The following OPCML variants were observed in gnomAD, a reference collection of about 807,000 sequenced individuals.
OPCML encodes opioid-binding protein/cell adhesion molecule.
A neutral mutation model predicts 37.8 loss-of-function variants in OPCML; 13 were observed. That is an observed-to-expected ratio of 0.34 (90% CI 0.22 to 0.55). The LOEUF (loss-of-function observed/expected upper bound fraction) is 0.55, where lower values mean the gene tolerates loss of function less well. Among genes scored for constraint, OPCML ranks in the 20% least tolerant of loss-of-function variants. The pLI is 0.91. For synonymous variants in OPCML, 176 were observed against 168.8 expected (o/e 1.04, Z -0.33); for missense variants, 341 against 435.6 (o/e 0.78, Z 1.93).
chr11:132,531,448 G>C (rs1247318527), intron 3 of OPCML, among the ~76,000 whole-genome samples: 2 of 152,176 alleles, frequency 1.3e-5, no homozygotes, highest in Non-Finnish European at 2.9e-5. Flanking sequence ...GATGTCAAAG[G>C]AGAATTATGG....
intron 1 of OPCML, among the ~76,000 whole-genome samples, chr11:133,386,744 C>A (rs781169266): frequency 6.6e-6 from 1 of 152,234 alleles, no homozygotes; most frequent in Admixed American, 6.5e-5. Context: ...CGCACCCCAC[C>A]TTTCCTTTTT....
chr11:133,146,312 CTTTTTTTTT>C (rs869237328), intron 1 of OPCML, among the ~76,000 whole-genome samples: 1 of 128,720 alleles, frequency 7.8e-6, no homozygotes, highest in African/African-American at 2.8e-5. Flanking sequence ...TCCATCTTTT[CTTTTTTTTT>C]TTTTTTTTTT....
intron 1 of OPCML, among the ~76,000 whole-genome samples, chr11:132,944,629 G>T (rs1460363104): frequency 6.6e-6 from 1 of 152,208 alleles, no homozygotes; most frequent in African/African-American, 2.4e-5. Context: ...AAAGTAGTAG[G>T]ACTGATCCTC....
At chr11:132,500,669 G>C (rs893617034) in intron 4 of OPCML, among the ~76,000 whole-genome samples, 2 of 152,122 alleles carry the variant, frequency 1.3e-5, no homozygotes, top group African/African-American at 4.8e-5. Context: ...ATCAACCCAT[G>C]CATTAGCTAT....
At chr11:133,039,561 G>T (rs1947847081) in intron 1 of OPCML, among the ~76,000 whole-genome samples, 1 of 152,100 alleles carries the variant, frequency 6.6e-6, no homozygotes, top group African/African-American at 2.4e-5. Flanking sequence ...TGAACAGGGG[G>T]TGGATGGTGC....
intron 1 of OPCML, chr11:133,006,721 T>C (rs1388156988): frequency 9.1e-6 from 9 of 985,346 alleles, no homozygotes; most frequent in African/African-American, 5.2e-5. Context: ...TTCCAGCACC[T>C]TTCTGCACTG....
rs1050495264 is a variant in OPCML, at chr11:132,727,119, T to G, written c.147-69800A>C. On this transcript the variant is annotated intron_variant, in intron 2 of 7. Transcript: ENST00000524381. ...CAGACACTGTCATGAGCACTATATA[T>G]ACGCATCAATCAACTAATTTTCTCA... Among the ~76,000 whole-genome samples the G allele has an allele frequency of 4.6e-5, 7 of 152,260 alleles. No homozygotes were observed. The South Asian group carries it at 1.5e-3, about 32-fold the overall frequency.
chr11:132,781,520 C>A (rs1947012795), intron 2 of OPCML, among the ~76,000 whole-genome samples: 1 of 151,886 alleles, frequency 6.6e-6, no homozygotes, highest in African/African-American at 2.4e-5. Flanking sequence ...ACTTCTCAGC[C>A]TCCATGACTG....
intron 3 of OPCML, among the ~76,000 whole-genome samples, chr11:132,593,924 T>C (rs1414648294): frequency 6.6e-6 from 1 of 152,112 alleles, no homozygotes; most frequent in African/African-American, 2.4e-5. Flanking sequence ...TGCTCAAGAG[T>C]GCAGCAAGTG....
chr11:132,844,970 TTTTTTG>T (rs1392089774), intron 2 of OPCML, among the ~76,000 whole-genome samples: 6 of 152,024 alleles, frequency 3.9e-5, no homozygotes, highest in Admixed American at 1.3e-4. Context: ...AACCTATTTT[TTTTTTG>T]TTTTTGTTTT....
intron 1 of OPCML, among the ~76,000 whole-genome samples, chr11:133,416,701 T>C (rs1237255300): frequency 2.0e-5 from 3 of 152,216 alleles, no homozygotes; most frequent in Non-Finnish European, 2.9e-5. Flanking sequence ...TAGTAGAACA[T>C]GAAATATCTT....
intron 3 of OPCML, among the ~76,000 whole-genome samples, chr11:132,559,557 T>TC (rs1405775251): frequency 6.6e-6 from 1 of 152,134 alleles, no homozygotes; most frequent in Non-Finnish European, 1.5e-5. Context: ...TTTTCTTTTT[T>TC]CTCTTCAATT....
chr11:132,695,368 G>T (rs561414360), intron 2 of OPCML, among the ~76,000 whole-genome samples: 1 of 152,264 alleles, frequency 6.6e-6, no homozygotes, highest in Non-Finnish European at 1.5e-5. Context: ...CCAAATAAAA[G>T]CACAATGGAA....
intron 1 of OPCML, among the ~76,000 whole-genome samples, chr11:133,517,908 C>A (rs1375244007): frequency 1.3e-5 from 2 of 152,112 alleles, no homozygotes; most frequent in East Asian, 1.9e-4. Flanking sequence ...GAGCACCAGG[C>A]ACAGAATGGG....
intron 1 of OPCML, among the ~76,000 whole-genome samples, chr11:133,314,568 A>AG (rs1417900468): frequency 4.0e-5 from 6 of 151,846 alleles, no homozygotes; most frequent in Admixed American, 2.6e-4. Flanking sequence ...AAAAAAAAAA[A>AG]AAAGAAAGAA....
intron 4 of OPCML, among the ~76,000 whole-genome samples, chr11:132,470,166 A>G (rs552528950): frequency 8.2e-4 from 125 of 152,192 alleles, no homozygotes; most frequent in African/African-American, 2.9e-3. Flanking sequence ...TGCAGAAGGG[A>G]TGCAAAAATG....
intron 2 of OPCML, among the ~76,000 whole-genome samples, chr11:132,866,587 G>A (rs1312626901): frequency 6.6e-5 from 10 of 152,218 alleles, no homozygotes; most frequent in Non-Finnish European, 2.9e-5. Context: ...TTGTGTTTGT[G>A]TTTTGGATGC....
chr11:132,538,844 T>C (rs1384756971), intron 3 of OPCML, among the ~76,000 whole-genome samples: 1 of 152,192 alleles, frequency 6.6e-6, no homozygotes, highest in East Asian at 1.9e-4. Flanking sequence ...TGTTAATTCA[T>C]GATTCCACAC....
chr11:132,488,140 T>C (rs752447503), intron 4 of OPCML, among the ~76,000 whole-genome samples: 3 of 152,324 alleles, frequency 2.0e-5, no homozygotes, highest in East Asian at 3.9e-4. Context: ...GAAAACCTGG[T>C]TCCTCTTTAC....
Sources: allele counts gnomAD v4.1 joint callset (sites outside exome capture counted in the v4.1 genomes callset), GRCh38; gene constraint gnomAD v4.1.1; transcripts MANE v1.5; gene names NCBI Gene and HGNC (gene_info 2026-07-23, HGNC 2026-07-21).